The following DOK5 variants were observed in gnomAD, a reference collection of about 807,000 sequenced individuals.
DOK5 encodes the protein downstream of tyrosine kinase 5.
DOK5 carries 27 observed loss-of-function variants against 43.3 expected under a neutral mutation model. The observed-to-expected ratio is 0.62, with a 90% CI of 0.46 to 0.86. The LOEUF (loss-of-function observed/expected upper bound fraction) is 0.86, where lower values mean the gene tolerates loss of function less well. Ranked by LOEUF, DOK5 falls within the 40% of genes least tolerant of loss-of-function variation. The pLI is 0.00. For synonymous variants in DOK5, 146 were observed against 140.1 expected (o/e 1.04, Z -0.30); for missense variants, 373 against 392.9 (o/e 0.95, Z 0.43).
intron 7 of DOK5, among the ~76,000 whole-genome samples, chr20:54,650,183 G>T (rs1407431086): frequency 6.6e-6 from 1 of 152,186 alleles, no homozygotes; most frequent in Non-Finnish European, 1.5e-5. Context: ...AATTAAGGAA[G>T]AAAATAATTG....
chr20:54,535,131 G>A (rs943473872), intron 1 of DOK5, among the ~76,000 whole-genome samples: 4 of 152,154 alleles, frequency 2.6e-5, no homozygotes, highest in Non-Finnish European at 5.9e-5. Context: ...ACACCCAGCC[G>A]AAAACATGTT....
chr20:54,539,212 C>T lies in DOK5; in HGVS notation c.67-15721C>T, dbSNP rs541547378. On this transcript the variant is annotated intron_variant, in intron 1 of 7. Coordinates refer to ENST00000262593, the MANE Select transcript of DOK5 (RefSeq NM_018431.5). Reference sequence around the variant, plus strand: ...GGCTGAGGCAGAAGAATTGCTTAAACCCGGGAGGCAGAGGTGAGATCGCAC... The same window carrying T: ...GGCTGAGGCAGAAGAATTGCTTAAATCCGGGAGGCAGAGGTGAGATCGCAC... Among the ~76,000 whole-genome samples the T allele has an allele frequency of 7.4e-4, 109 of 147,954 alleles. No homozygotes were observed. In the South Asian group the frequency reaches 0.023, roughly 31 times the overall value.
chr20:54,514,273 G>T (rs1336424678), intron 1 of DOK5, among the ~76,000 whole-genome samples: 1 of 152,124 alleles, frequency 6.6e-6, no homozygotes, highest in Non-Finnish European at 1.5e-5. Context: ...ATTCTGCAAA[G>T]CCCTCATCCT....
chr20:54,626,256 G>C (rs937626342), intron 6 of DOK5, among the ~76,000 whole-genome samples: 1 of 152,196 alleles, frequency 6.6e-6, no homozygotes, highest in Non-Finnish European at 1.5e-5. Context: ...CGAAAGGGGT[G>C]AGGGAAAGAG....
intron 6 of DOK5, among the ~76,000 whole-genome samples, chr20:54,619,183 T>A (rs2146803623): frequency 6.8e-6 from 1 of 148,074 alleles, no homozygotes; most frequent in East Asian, 2.0e-4. Flanking sequence ...AAAAATTCAA[T>A]GCATTGTTAT....
intron 1 of DOK5, among the ~76,000 whole-genome samples, chr20:54,478,322 G>A (rs956414): frequency 0.019 from 2,928 of 152,290 alleles, 92 homozygotes; most frequent in African/African-American, 0.068. Flanking sequence ...GGGACCCTAT[G>A]TCCACAGTAA....
intron 2 of DOK5, among the ~76,000 whole-genome samples, chr20:54,572,442 G>T (rs942411701): frequency 2.0e-5 from 3 of 152,072 alleles, no homozygotes; most frequent in Non-Finnish European, 4.4e-5. Flanking sequence ...GATTACAGGC[G>T]TGAGCCACCG....
chr20:54,566,334 C>T (rs1316530911), intron 2 of DOK5, among the ~76,000 whole-genome samples: 1 of 152,124 alleles, frequency 6.6e-6, no homozygotes, highest in Non-Finnish European at 1.5e-5. Context: ...ACATCTGGGT[C>T]GTTTTTAGTT....
chr20:54,513,282 A>C (rs1983072192), intron 1 of DOK5, among the ~76,000 whole-genome samples: 1 of 152,110 alleles, frequency 6.6e-6, no homozygotes. Flanking sequence ...AACATTGTTC[A>C]TAGTAGTTAA....
intron 6 of DOK5, among the ~76,000 whole-genome samples, chr20:54,610,795 A>G (rs564546548): frequency 6.6e-6 from 1 of 152,368 alleles, no homozygotes; most frequent in East Asian, 1.9e-4. Context: ...TATAGACACA[A>G]CCATGTGGAT....
chr20:54,631,983 AAAC>A (rs374786419), intron 6 of DOK5, among the ~76,000 whole-genome samples: 96 of 152,312 alleles, frequency 6.3e-4, no homozygotes, highest in African/African-American at 2.1e-3. Context: ...AAACAAAACA[AAAC>A]AACAACAACA....
intron 2 of DOK5, among the ~76,000 whole-genome samples, chr20:54,558,787 T>G (rs1984801347): frequency 6.6e-6 from 1 of 152,200 alleles, no homozygotes; most frequent in Non-Finnish European, 1.5e-5. Flanking sequence ...TTCTCCCATT[T>G]TATTTTTAAA....
intron 5 of DOK5, among the ~76,000 whole-genome samples, chr20:54,610,065 T>G (rs762892023): frequency 1.3e-5 from 2 of 152,182 alleles, no homozygotes; most frequent in Non-Finnish European, 2.9e-5. Context: ...TCTTTGAGAG[T>G]GGCAAGGTGA....
chr20:54,606,595 T>C (rs189356040), intron 5 of DOK5, among the ~76,000 whole-genome samples: 50 of 152,342 alleles, frequency 3.3e-4, no homozygotes, highest in African/African-American at 1.2e-3. Flanking sequence ...TTGGTTTGTT[T>C]GTTTTCTTCT....
At chr20:54,561,855 C>A (rs955481511) in intron 2 of DOK5, among the ~76,000 whole-genome samples, 2 of 152,166 alleles carry the variant, frequency 1.3e-5, no homozygotes, top group Admixed American at 1.3e-4. Flanking sequence ...GGGGGTTTCT[C>A]CTTGTGGGTC....
At chr20:54,491,126 C>G (rs970263571) in intron 1 of DOK5, among the ~76,000 whole-genome samples, 2 of 152,172 alleles carry the variant, frequency 1.3e-5, no homozygotes, top group Non-Finnish European at 2.9e-5. Context: ...TAATTGCATG[C>G]AGAATCATGC....
At chr20:54,636,933 A>T (rs770355956) in intron 6 of DOK5, among the ~76,000 whole-genome samples, 7 of 152,228 alleles carry the variant, frequency 4.6e-5, no homozygotes, top group Non-Finnish European at 7.3e-5. Flanking sequence ...TTCAAACCAT[A>T]GCATGGAATA....
intron 6 of DOK5, among the ~76,000 whole-genome samples, chr20:54,627,111 G>A (rs190711548): frequency 4.6e-5 from 7 of 152,158 alleles, no homozygotes; most frequent in South Asian, 4.1e-4. Flanking sequence ...TTTATTAAAC[G>A]TACGTATAAG....
At chr20:54,582,840 C>T (rs1480128895) in intron 2 of DOK5, among the ~76,000 whole-genome samples, 3 of 151,838 alleles carry the variant, frequency 2.0e-5, no homozygotes, top group East Asian at 3.9e-4. Flanking sequence ...ACTGGTTTTT[C>T]CTAGTGCTTT....
Sources: gnomAD v4.1 joint callset for allele counts (sites outside exome capture counted in the v4.1 genomes callset) on GRCh38, gnomAD v4.1.1 for gene constraint, MANE v1.5 for transcripts, NCBI Gene and HGNC (gene_info 2026-07-23, HGNC 2026-07-21) for gene names.